OPCML: variants seen among roughly 807,000 people sequenced by gnomAD.
OPCML encodes opioid-binding protein/cell adhesion molecule.
In OPCML, 13 loss-of-function variants were observed where a neutral mutation model predicts 37.8. The ratio of observed to expected loss-of-function variants is 0.34; its 90% CI spans 0.22 to 0.55. The LOEUF is 0.55. OPCML is among the 20% of genes least tolerant of loss of function. The probability of loss-of-function intolerance (pLI) is 0.91; values close to 1 mark genes in which losing one functional copy is unlikely to be tolerated. For synonymous variants in OPCML, 176 were observed against 168.8 expected (o/e 1.04, Z -0.33); for missense variants, 341 against 435.6 (o/e 0.78, Z 1.93).
chr11:132,549,012 G>T (rs548773827), intron 3 of OPCML, among the ~76,000 whole-genome samples: 10 of 152,286 alleles, frequency 6.6e-5, no homozygotes, highest in Admixed American at 6.5e-4. Context: ...TTGGACATGG[G>T]CTGGGTAAAA....
chr11:132,704,496 A>C (rs960720629), intron 2 of OPCML, among the ~76,000 whole-genome samples: 8 of 152,236 alleles, frequency 5.3e-5, no homozygotes, highest in Admixed American at 5.2e-4. Flanking sequence ...ACTCCCAAAA[A>C]ATGCCTTTGA....
chr11:132,531,928 A>AT (rs946981147), intron 3 of OPCML, among the ~76,000 whole-genome samples: 1 of 151,794 alleles, frequency 6.6e-6, no homozygotes, highest in Non-Finnish European at 1.5e-5. Context: ...TTTTGTCTTA[A>AT]TTTTTTTTCA....
intron 3 of OPCML, among the ~76,000 whole-genome samples, chr11:132,635,093 A>G (rs969969764): frequency 6.6e-6 from 1 of 152,174 alleles, no homozygotes; most frequent in African/African-American, 2.4e-5. Flanking sequence ...GCCCATGATT[A>G]TTACAGTGTG....
chr11:133,532,327 C>G lies in OPCML; in HGVS notation c.-3G>C, dbSNP rs1279454001. 2 of 1,613,012 alleles carry G rather than the reference C, an allele frequency of 1.2e-6. No individual in the cohort carries two copies. Among genetic ancestry groups the G allele is most frequent in the Non-Finnish European group, 1.7e-6 (2 of 1,179,626 alleles). Reference sequence around the variant, plus strand: ...ACCCAGTAGGCAGGATGGTACATCTCGACGCTGCGGTGCTCTCAGCTGCCG... The same window carrying G: ...ACCCAGTAGGCAGGATGGTACATCTGGACGCTGCGGTGCTCTCAGCTGCCG... On this transcript the variant is annotated 5_prime_UTR_variant, in exon 1 of 8. Coordinates refer to ENST00000524381, the MANE Select transcript of OPCML (RefSeq NM_001012393.5).
At chr11:133,229,038 G>A (rs1042250008) in intron 1 of OPCML, among the ~76,000 whole-genome samples, 1 of 152,128 alleles carries the variant, frequency 6.6e-6, no homozygotes, top group African/African-American at 2.4e-5. Context: ...TCCAAAACTA[G>A]GAAGAGGCTT....
intron 7 of OPCML, among the ~76,000 whole-genome samples, chr11:132,424,936 A>G (rs916681520): frequency 3.3e-5 from 5 of 152,186 alleles, no homozygotes; most frequent in African/African-American, 1.2e-4. Context: ...GAGGTGAGAT[A>G]GCTTAAGATT....
At chr11:133,278,373 G>T (rs1383537850) in intron 1 of OPCML, among the ~76,000 whole-genome samples, 2 of 152,016 alleles carry the variant, frequency 1.3e-5, no homozygotes, top group Non-Finnish European at 2.9e-5. Flanking sequence ...AAAGCTTAAG[G>T]TTCTTTATAA....
intron 1 of OPCML, among the ~76,000 whole-genome samples, chr11:133,178,297 T>C (rs1260561345): frequency 6.6e-6 from 1 of 152,112 alleles, no homozygotes; most frequent in Non-Finnish European, 1.5e-5. Context: ...CCACTGTGTG[T>C]GCGTTCCTCA....
At chr11:133,059,521 C>T (rs971558645) in intron 1 of OPCML, among the ~76,000 whole-genome samples, 2 of 152,230 alleles carry the variant, frequency 1.3e-5, no homozygotes, top group Admixed American at 1.3e-4. Context: ...GCACTCTTCA[C>T]CTCCGCACGC....
At chr11:132,556,887 A>G (rs550544510) in intron 3 of OPCML, among the ~76,000 whole-genome samples, 1 of 152,072 alleles carries the variant, frequency 6.6e-6, no homozygotes, top group African/African-American at 2.4e-5. Flanking sequence ...ATTAAACTCC[A>G]CTTTGTCTTC....
intron 1 of OPCML, among the ~76,000 whole-genome samples, chr11:133,433,690 C>G (rs562768942): frequency 2.6e-4 from 40 of 152,180 alleles, no homozygotes; most frequent in Non-Finnish European, 4.3e-4. Context: ...TCTTGCCCCT[C>G]CATCCAGAGA....
At chr11:133,458,469 C>T (rs561826895) in intron 1 of OPCML, among the ~76,000 whole-genome samples, 1 of 101,832 alleles carries the variant, frequency 9.8e-6, no homozygotes, top group Non-Finnish European at 1.9e-5. Flanking sequence ...CATATATACA[C>T]GTGTGTGTAT....
intron 3 of OPCML, among the ~76,000 whole-genome samples, chr11:132,554,654 C>T (rs986032971): frequency 6.6e-6 from 1 of 152,070 alleles, no homozygotes; most frequent in African/African-American, 2.4e-5. Flanking sequence ...GTCTACCAGG[C>T]CAGAGCTTTC....
chr11:133,271,443 G>A (rs1480602415), intron 1 of OPCML, among the ~76,000 whole-genome samples: 1 of 152,144 alleles, frequency 6.6e-6, no homozygotes, highest in Non-Finnish European at 1.5e-5. Flanking sequence ...ACACATTAAG[G>A]ATCAACAATT....
intron 2 of OPCML, among the ~76,000 whole-genome samples, chr11:132,697,953 ATTAAT>A (rs1261369900): frequency 2.7e-5 from 4 of 149,102 alleles, no homozygotes; most frequent in African/African-American, 9.9e-5. Context: ...TTTATTTTAT[ATTAAT>A]TTATTTTATT....
At chr11:133,097,016 T>C (rs749344703) in intron 1 of OPCML, among the ~76,000 whole-genome samples, 15 of 152,268 alleles carry the variant, frequency 9.9e-5, no homozygotes, top group Admixed American at 7.2e-4. Flanking sequence ...AGTATGGACA[T>C]AGTTGGACTC....
intron 2 of OPCML, among the ~76,000 whole-genome samples, chr11:132,708,655 A>G (rs1784523): frequency 0.74 from 112,478 of 152,050 alleles, 41,767 homozygotes; most frequent in Non-Finnish European, 0.75. Flanking sequence ...TGATAGAAAG[A>G]ACCAGAGAGA....
chr11:132,812,720 A>G, intron 2 of OPCML, among the ~76,000 whole-genome samples: 1 of 152,194 alleles, frequency 6.6e-6, no homozygotes, highest in East Asian at 1.9e-4. Context: ...TGATTATCTT[A>G]TCACTAATTC....
At position 133,051,260 on chromosome 11, in the gene OPCML, C is replaced by T. The variant is rs147846909; in HGVS notation, c.62-108250G>A. ...GTTTAAAATGCTTTAAATATATCAA[C>T]GGGTGTCTAGCGTCTGTGAAGTAGT... On this transcript the variant is annotated intron_variant, in intron 1 of 7. Transcript: ENST00000524381. 3.4e-3 allele frequency among the ~76,000 whole-genome samples: 521 copies of T among 152,276 alleles called. 2 individuals are homozygous for T. Among genetic ancestry groups the T allele is most frequent in the Middle Eastern group, 0.034 (10 of 294 alleles).
Sources: gnomAD v4.1 joint callset for allele counts (sites outside exome capture counted in the v4.1 genomes callset) on GRCh38, gnomAD v4.1.1 for gene constraint, MANE v1.5 for transcripts, NCBI Gene and HGNC (gene_info 2026-07-23, HGNC 2026-07-21) for gene names.